DGKH: variants seen among roughly 807,000 people sequenced by gnomAD.
DGKH encodes the protein DAG kinase eta.
Under a neutral mutation model 159.3 loss-of-function variants are expected in DGKH, and 90 were observed. That is an observed-to-expected ratio of 0.57 (90% CI 0.48 to 0.67). The LOEUF is 0.67. Among genes scored for constraint, DGKH ranks in the 30% least tolerant of loss-of-function variants. The pLI is 0.00. For synonymous variants in DGKH, 536 were observed against 553.8 expected (o/e 0.97, Z 0.45); for missense variants, 1,181 against 1,506.1 (o/e 0.78, Z 3.57).
At chr13:42,255,319 A>G (rs1958650142) in intron 30 of DGKH, among the ~76,000 whole-genome samples, 4 of 152,078 alleles carry the variant, frequency 2.6e-5, no homozygotes. Context: ...TAAAAAACCA[A>G]CTTAAATGGG....
intron 21 of DGKH, among the ~76,000 whole-genome samples, chr13:42,207,592 T>G (rs1957538114): frequency 6.6e-6 from 1 of 151,506 alleles, no homozygotes; most frequent in African/African-American, 2.4e-5. Context: ...CTATTTTTGT[T>G]TTTCTTTTCA....
At chr13:42,093,682 C>T (rs995412603) in intron 1 of DGKH, among the ~76,000 whole-genome samples, 2 of 152,074 alleles carry the variant, frequency 1.3e-5, no homozygotes, top group South Asian at 2.1e-4. Flanking sequence ...CAGCCTTAAA[C>T]AGGAAGGGAA....
intron 9 of DGKH, among the ~76,000 whole-genome samples, chr13:42,167,910 G>A (rs1257513120): frequency 6.6e-6 from 1 of 152,102 alleles, no homozygotes; most frequent in Non-Finnish European, 1.5e-5. Context: ...ACATTTAGGA[G>A]ACGGGATGTG....
chr13:42,202,735 C>T (rs1406974299), intron 20 of DGKH, among the ~76,000 whole-genome samples: 2 of 152,098 alleles, frequency 1.3e-5, no homozygotes, highest in Admixed American at 6.5e-5. Flanking sequence ...ATGGGAATTC[C>T]AGAAATGTAA....
chr13:42,110,140 G>A lies in DGKH; in HGVS notation c.193-17323G>A, dbSNP rs772749007. 2.6e-5 allele frequency among the ~76,000 whole-genome samples: 4 copies of A among 152,170 alleles called. No homozygotes were observed. The East Asian group carries it at 5.8e-4, about 22-fold the overall frequency. On this transcript the variant is annotated intron_variant, in intron 1 of 29. Transcript: ENST00000337343. ...TCCAGAAAATAAGCAGATCTTTTGC[G>A]TGAAATGCTGAGTAGCTCTTTCTGA...
chr13:42,119,612 C>CT (rs1955028750), intron 1 of DGKH, among the ~76,000 whole-genome samples: 1 of 152,150 alleles, frequency 6.6e-6, no homozygotes, highest in South Asian at 2.1e-4. Context: ...ATCCCAAGGA[C>CT]TTTCTGGGAT....
intron 3 of DGKH, among the ~76,000 whole-genome samples, chr13:42,148,302 A>G (rs12875404): frequency 6.6e-6 from 1 of 152,190 alleles, no homozygotes; most frequent in Non-Finnish European, 1.5e-5. Flanking sequence ...AAATCTTAGT[A>G]TTTTGGACTT....
At chr13:42,109,953 C>A (rs1954831063) in intron 1 of DGKH, among the ~76,000 whole-genome samples, 1 of 152,096 alleles carries the variant, frequency 6.6e-6, no homozygotes, top group South Asian at 2.1e-4. Flanking sequence ...ATATGTGTAT[C>A]TATCTATATC....
chr13:42,156,359 C>T (rs1343130455), intron 5 of DGKH, among the ~76,000 whole-genome samples: 2 of 152,094 alleles, frequency 1.3e-5, no homozygotes, highest in African/African-American at 4.8e-5. Flanking sequence ...CCTCCTACCT[C>T]AGTCTCCCTA....
intron 20 of DGKH, among the ~76,000 whole-genome samples, chr13:42,204,410 T>C (rs562040058): frequency 6.6e-6 from 1 of 152,330 alleles, no homozygotes; most frequent in Non-Finnish European, 1.5e-5. Context: ...GTTAACACTG[T>C]GTTTTCATGA....
Position 42,229,351 on chromosome 13 carries a change from T to C in DGKH, c.*163T>C. 1.7e-6 allele frequency: 1 copy of C among 597,250 alleles called. No homozygotes were observed. The highest frequency in any genetic ancestry group is 2.1e-5 in the South Asian group (1 of 46,700). 37.0% of individuals were successfully genotyped at this position (597,250 alleles called of 1,614,324 possible). A position where few individuals can be genotyped will look rare whatever the true frequency, so the allele number is the denominator to read the frequency against. On this transcript the variant is annotated 3_prime_UTR_variant, in exon 30 of 30. Transcript: ENST00000337343. ...GTGGGTGAAATTTTGATTTGAGGTATTAGAAAATATTTTTGTGCCGAACAA... is the reference window on the plus strand; with the variant it reads ...GTGGGTGAAATTTTGATTTGAGGTACTAGAAAATATTTTTGTGCCGAACAA...
chr13:42,170,442 A>T (rs1375936026), intron 11 of DGKH, among the ~76,000 whole-genome samples: 2 of 152,126 alleles, frequency 1.3e-5, no homozygotes, highest in African/African-American at 4.8e-5. Context: ...TAAATAAATG[A>T]ATAAAAAGTC....
chr13:42,104,830 T>G (rs1312407774), intron 1 of DGKH, among the ~76,000 whole-genome samples: 1 of 152,168 alleles, frequency 6.6e-6, no homozygotes, highest in African/African-American at 2.4e-5. Context: ...TAATTCCTCA[T>G]CATTATTTGG....
At chr13:42,141,994 G>A (rs1222973072) in intron 3 of DGKH, among the ~76,000 whole-genome samples, 2 of 151,442 alleles carry the variant, frequency 1.3e-5, no homozygotes, top group Non-Finnish European at 2.9e-5. Flanking sequence ...GAATGGTATT[G>A]CCTAGGTTTT....
upstream of DGKH, among the ~76,000 whole-genome samples, chr13:42,046,576 CTT>C (rs1880804981): frequency 6.6e-6 from 1 of 152,178 alleles, no homozygotes; most frequent in Admixed American, 6.5e-5. Context: ...GGATATGAAA[CTT>C]TTTAAGTATC....
chr13:42,163,533 G>A (rs1956243082), intron 7 of DGKH, among the ~76,000 whole-genome samples: 1 of 152,120 alleles, frequency 6.6e-6, no homozygotes, highest in Non-Finnish European at 1.5e-5. Context: ...GTTGTTTCCT[G>A]ACTTTTTAAT....
chr13:42,174,200 AAAAAAG>A, intron 12 of DGKH, 56 bp downstream of exon 12: 1 of 1,376,106 alleles, frequency 7.3e-7, no homozygotes, highest in Non-Finnish European at 1.0e-6. Context: ...CTTGAGAAAA[AAAAAAG>A]AAAGAGAGAG....
At chr13:42,096,970 T>C (rs1425862044) in intron 1 of DGKH, among the ~76,000 whole-genome samples, 1 of 152,186 alleles carries the variant, frequency 6.6e-6, no homozygotes, top group African/African-American at 2.4e-5. Context: ...AAGCCATTTA[T>C]CTCTCAGACC....
At chr13:42,254,253 A>G (rs1206901664) in intron 30 of DGKH, among the ~76,000 whole-genome samples, 1 of 152,236 alleles carries the variant, frequency 6.6e-6, no homozygotes, top group Non-Finnish European at 1.5e-5. Flanking sequence ...AATACTGAGA[A>G]CAATCTAAAT....
Sources: gnomAD v4.1 joint callset for allele counts (sites outside exome capture counted in the v4.1 genomes callset) on GRCh38, gnomAD v4.1.1 for gene constraint, MANE v1.5 for transcripts, NCBI Gene and HGNC (gene_info 2026-07-23, HGNC 2026-07-21) for gene names.